The following ARAP2 variants were observed in gnomAD, a reference collection of about 807,000 sequenced individuals.
The protein encoded by ARAP2 is arf-GAP with Rho-GAP domain, ANK repeat and PH domain-containing protein 2.
ARAP2 carries 148 observed loss-of-function variants against 194.5 expected under a neutral mutation model. That is an observed-to-expected ratio of 0.76 (90% confidence interval 0.67 to 0.87). The LOEUF (loss-of-function observed/expected upper bound fraction) is 0.87, where lower values mean the gene tolerates loss of function less well. ARAP2 is among the 40% of genes least tolerant of loss of function. ARAP2 has a pLI of 0.00. For missense variants in ARAP2, 2,128 were observed against 1,989.7 expected, an observed-to-expected ratio of 1.07 and a Z score of -1.32; for synonymous variants, 695 against 683.5, an observed-to-expected ratio of 1.02 and a Z score of -0.26.
intron 5 of ARAP2, among the ~76,000 whole-genome samples, chr4:36,022,942 A>G (rs1717258761): frequency 6.6e-6 from 1 of 152,180 alleles, no homozygotes; most frequent in South Asian, 2.1e-4. Flanking sequence ...AAAATCCAAG[A>G]AACTATATGA....
At chr4:36,213,815 T>C (rs1420326260) in intron 3 of ARAP2, among the ~76,000 whole-genome samples, 1 of 152,110 alleles carries the variant, frequency 6.6e-6, no homozygotes, top group East Asian at 1.9e-4. Flanking sequence ...ATGCCATAGC[T>C]ACTAATGCAT....
chr4:36,075,361 A>G (rs187871152), intron 31 of ARAP2, among the ~76,000 whole-genome samples: 88 of 152,212 alleles, frequency 5.8e-4, no homozygotes, highest in African/African-American at 1.9e-3. Context: ...CATCCAAGTG[A>G]TGTGTTCTGA....
At chr4:36,089,017 T>C (rs1359531564) in intron 28 of ARAP2, among the ~76,000 whole-genome samples, 1 of 152,110 alleles carries the variant, frequency 6.6e-6, no homozygotes, top group Non-Finnish European at 1.5e-5. Flanking sequence ...TGGTACTACT[T>C]GAATCTCAGA....
intron 19 of ARAP2, among the ~76,000 whole-genome samples, chr4:36,137,512 T>C (rs536334719): frequency 9.9e-5 from 15 of 151,970 alleles, no homozygotes; most frequent in Admixed American, 5.9e-4. Flanking sequence ...AAAATGTAAT[T>C]AGAAACAAAT....
chr4:36,202,441 A>T (rs1744564701), intron 6 of ARAP2, among the ~76,000 whole-genome samples: 1 of 152,128 alleles, frequency 6.6e-6, no homozygotes, highest in South Asian at 2.1e-4. Flanking sequence ...AAACAAAAAA[A>T]GTATCTTCAA....
At chr4:36,156,427 GAAAGA>G in intron 15 of ARAP2, among the ~76,000 whole-genome samples, 1 of 16,674 alleles carries the variant, frequency 6.0e-5, no homozygotes, top group Non-Finnish European at 1.1e-4. Flanking sequence ...AAGAAAGAAA[GAAAGA>G]AAGAAAGAAA....
chr4:36,025,116 A>T (rs1036889251), intron 5 of ARAP2, among the ~76,000 whole-genome samples: 1 of 152,202 alleles, frequency 6.6e-6, no homozygotes, highest in Non-Finnish European at 1.5e-5. Context: ...AAAAAGAATT[A>T]TTAAATGATG....
chr4:36,186,603 G>A (rs556855543), intron 8 of ARAP2, among the ~76,000 whole-genome samples: 2 of 152,348 alleles, frequency 1.3e-5, no homozygotes, highest in African/African-American at 2.4e-5. Context: ...AGCAGCAGGC[G>A]AGCCAGTGAA....
chr4:36,155,250 C>T (rs1273840659), intron 15 of ARAP2, among the ~76,000 whole-genome samples: 1 of 152,204 alleles, frequency 6.6e-6, no homozygotes, highest in African/African-American at 2.4e-5. Context: ...TGAGCTTTCA[C>T]TTCAGGGGGA....
rs745500872 is a variant in ARAP2, at chr4:36,177,808, T to C, written c.1857+19A>G. The C allele has an allele frequency of 6.5e-6, 10 of 1,529,908 alleles. No individual in the cohort carries two copies. The Admixed American group carries it at 2.3e-4, about 35-fold the overall frequency. The allele number at this position is 1,529,908 out of a possible 1,614,324, so 94.8% of individuals were successfully genotyped here. A position where few individuals can be genotyped will look rare whatever the true frequency, so the allele number is the denominator to read the frequency against. On this transcript the variant is annotated intron_variant, in intron 9 of 32. Transcript: ENST00000303965. Reference sequence around the variant, plus strand: ...ATAATAAAATAGCAGCAATTTGCAATGACTATAACAGAGCTCACCTGTTCG... The same window carrying C: ...ATAATAAAATAGCAGCAATTTGCAACGACTATAACAGAGCTCACCTGTTCG...
At chr4:36,155,096 C>A (rs879346807) in intron 15 of ARAP2, among the ~76,000 whole-genome samples, 1 of 152,064 alleles carries the variant, frequency 6.6e-6, no homozygotes, top group Non-Finnish European at 1.5e-5. Context: ...TATGAGTCAC[C>A]CATTTACACT....
intron 5 of ARAP2, among the ~76,000 whole-genome samples, chr4:36,211,355 C>A (rs1278002039): frequency 6.6e-6 from 1 of 152,112 alleles, no homozygotes; most frequent in Non-Finnish European, 1.5e-5. Context: ...ATGTAATGCA[C>A]AATATTTATT....
intron 10 of ARAP2, chr4:36,006,509 A>G (rs1447448709): frequency 3.3e-5 from 5 of 152,176 alleles, no homozygotes; most frequent in Non-Finnish European, 5.9e-5. Context: ...TCCTGGCCCC[A>G]AAGTCCACAC....
intron 32 of ARAP2, among the ~76,000 whole-genome samples, chr4:36,071,977 A>C (rs1727088375): frequency 6.6e-6 from 1 of 151,792 alleles, no homozygotes; most frequent in African/African-American, 2.4e-5. Context: ...TGAAATACTT[A>C]ATATTTTAAC....
rs554566385 is a variant in ARAP2, at chr4:36,178,094, A to G, written c.1679-89T>C. On this transcript the variant is annotated intron_variant, in intron 8 of 32. Transcript: ENST00000303965. ...CAAGAAGAAATCCATGCCCTTTGCA[A>G]CACATAAGTGACAGATTCTTTCCCA... The G allele has an allele frequency of 5.0e-5, 57 of 1,148,938 alleles. No homozygotes were observed. The South Asian group carries it at 8.8e-4, about 18-fold the overall frequency. 71.2% of individuals were successfully genotyped at this position (1,148,938 alleles called of 1,614,324 possible).
intron 22 of ARAP2, among the ~76,000 whole-genome samples, chr4:36,124,021 A>G (rs1213612176): frequency 6.6e-6 from 1 of 151,886 alleles, no homozygotes; most frequent in African/African-American, 2.4e-5. Context: ...AGGCATAGAG[A>G]TAGGACTATA....
At chr4:36,091,410 T>C (rs1417189474) in intron 28 of ARAP2, among the ~76,000 whole-genome samples, 1 of 152,136 alleles carries the variant, frequency 6.6e-6, no homozygotes, top group Non-Finnish European at 1.5e-5. Context: ...AGACGGAATA[T>C]ATCAATAAGA....
At chr4:36,029,690 T>C (rs978033287) in intron 5 of ARAP2, among the ~76,000 whole-genome samples, 7 of 152,036 alleles carry the variant, frequency 4.6e-5, no homozygotes, top group African/African-American at 1.2e-4. Context: ...TCTGTTTTAT[T>C]TTCTTCTTTT....
rs143561713 is a variant in ARAP2 at position 36,056,561 on chromosome 4, C to G, written n.321+1409G>C. On this transcript the variant is annotated intron_variant and non_coding_transcript_variant, in intron 2 of 12. Transcript: ENST00000503225. Reference sequence around the variant, plus strand: ...ATATGTCTATATATTTTATGTGTGTCTCTGAGAACCAGAACATGTATAGGT... The same window carrying G: ...ATATGTCTATATATTTTATGTGTGTGTCTGAGAACCAGAACATGTATAGGT... 2.2e-3 allele frequency among the ~76,000 whole-genome samples: 330 copies of G among 152,248 alleles called. 1 individual carries two copies. Among genetic ancestry groups the G allele is most frequent in the African/African-American group, 7.8e-3 (323 of 41,544 alleles).
Sources: allele counts gnomAD v4.1 joint callset (sites outside exome capture counted in the v4.1 genomes callset), GRCh38; gene constraint gnomAD v4.1.1; transcripts MANE v1.5; gene names NCBI Gene and HGNC (gene_info 2026-07-23, HGNC 2026-07-21).